SDK1: variants seen among roughly 807,000 people sequenced by gnomAD.
SDK1 encodes the protein sidekick cell adhesion molecule 1, also known as protein sidekick-1.
A neutral mutation model predicts 245.5 loss-of-function variants in SDK1; 157 were observed. That is an observed-to-expected ratio of 0.64 (90% CI 0.56 to 0.73). The LOEUF is 0.73. Among genes scored for constraint, SDK1 ranks in the 30% least tolerant of loss-of-function variants. The pLI is 0.00. For missense variants in SDK1, 3,583 were observed against 3,002.3 expected, an observed-to-expected ratio of 1.19 and a Z score of -4.52; for synonymous variants, 1,647 against 1,278.5, an observed-to-expected ratio of 1.29 and a Z score of -6.15.
At chr7:3,995,097 C>T (rs1418513279) in intron 14 of SDK1, among the ~76,000 whole-genome samples, 4 of 152,208 alleles carry the variant, frequency 2.6e-5, no homozygotes, top group African/African-American at 9.7e-5. Flanking sequence ...GGTAGCAGCA[C>T]TGTTTACTAT....
At chr7:4,259,861 C>A (rs1787866530) in intron 44 of SDK1, among the ~76,000 whole-genome samples, 1 of 152,186 alleles carries the variant, frequency 6.6e-6, no homozygotes, top group Admixed American at 6.5e-5. Flanking sequence ...GTGGGTGAAC[C>A]CGAGGGGTTG....
chr7:4,214,960 G>A (rs1175079904), intron 38 of SDK1, among the ~76,000 whole-genome samples: 3 of 152,180 alleles, frequency 2.0e-5, no homozygotes, highest in Non-Finnish European at 2.9e-5. Flanking sequence ...CTTCTCCCTC[G>A]GGCAGGACTC....
At chr7:3,991,004 G>A (rs920199909) in intron 14 of SDK1, among the ~76,000 whole-genome samples, 8 of 152,266 alleles carry the variant, frequency 5.3e-5, no homozygotes, top group Non-Finnish European at 8.8e-5. Flanking sequence ...TCTGCTGGGT[G>A]CTGGGTGCAG....
intron 1 of SDK1, among the ~76,000 whole-genome samples, chr7:3,371,762 T>G (rs1338646662): frequency 1.3e-5 from 2 of 151,620 alleles, no homozygotes; most frequent in African/African-American, 4.9e-5. Flanking sequence ...CCAAGAGGAG[T>G]TCCTGAACAG....
intron 44 of SDK1, among the ~76,000 whole-genome samples, chr7:4,261,245 C>G (rs1167195285): frequency 6.6e-6 from 1 of 152,068 alleles, no homozygotes; most frequent in Non-Finnish European, 1.5e-5. Flanking sequence ...TGCCCGGGTG[C>G]TGATGTGGGT....
At chr7:4,168,249 G>T (rs911161637) in intron 32 of SDK1, among the ~76,000 whole-genome samples, 2 of 152,204 alleles carry the variant, frequency 1.3e-5, no homozygotes, top group Non-Finnish European at 2.9e-5. Context: ...GAAGACTCCT[G>T]CCAGGAGCGG....
chr7:3,469,922 C>T (rs895104507), intron 1 of SDK1, among the ~76,000 whole-genome samples: 2 of 152,136 alleles, frequency 1.3e-5, no homozygotes, highest in African/African-American at 4.8e-5. Flanking sequence ...ATGGTTTCAT[C>T]CTAAGTTATA....
At chr7:3,651,058 C>G (rs1407003143) in intron 4 of SDK1, among the ~76,000 whole-genome samples, 1 of 150,784 alleles carries the variant, frequency 6.6e-6, no homozygotes, top group East Asian at 2.0e-4. Context: ...CATAAGACTT[C>G]ATTGTGTTCA....
At chr7:3,386,458 C>T (rs1228769831) in intron 1 of SDK1, among the ~76,000 whole-genome samples, 1 of 152,180 alleles carries the variant, frequency 6.6e-6, no homozygotes, top group African/African-American at 2.4e-5. Flanking sequence ...TCAAAACACA[C>T]TCATATTTTG....
At chr7:4,014,994 G>A (rs759165938) in intron 16 of SDK1, among the ~76,000 whole-genome samples, 22 of 152,048 alleles carry the variant, frequency 1.4e-4, no homozygotes, top group Non-Finnish European at 2.9e-4. Context: ...AAGTTGGGTG[G>A]CTCATGCAGG....
intron 1 of SDK1, among the ~76,000 whole-genome samples, chr7:3,418,145 G>GAAAAAAAAAAATAA (rs1779429712): frequency 8.4e-6 from 1 of 119,726 alleles, no homozygotes; most frequent in African/African-American, 3.9e-5. Context: ...TACTAAAAAT[G>GAAAAAAAAAAATAA]AAAAAAAAAA....
At chr7:3,659,525 A>G (rs1236467021) in intron 4 of SDK1, among the ~76,000 whole-genome samples, 1 of 152,186 alleles carries the variant, frequency 6.6e-6, no homozygotes, top group Non-Finnish European at 1.5e-5. Flanking sequence ...GTGTGTTCCA[A>G]GGCCGAAAGG....
chr7:3,403,840 T>TAC (rs1420932656), intron 1 of SDK1, among the ~76,000 whole-genome samples: 1 of 64,406 alleles, frequency 1.6e-5, no homozygotes, highest in African/African-American at 1.5e-4. Flanking sequence ...TATATATATA[T>TAC]ATATATATAT....
chr7:4,148,452 C>G (rs1007997302), intron 29 of SDK1, among the ~76,000 whole-genome samples: 20 of 152,264 alleles, frequency 1.3e-4, no homozygotes, highest in African/African-American at 4.6e-4. Context: ...CGCATCCAAG[C>G]TACTGCACAC....
At chr7:3,944,159 T>G (rs969489850) in intron 5 of SDK1, among the ~76,000 whole-genome samples, 4 of 152,254 alleles carry the variant, frequency 2.6e-5, no homozygotes, top group African/African-American at 9.6e-5. Context: ...AAAGAAAGAT[T>G]ATCAACTTTG....
chr7:4,067,704 C>T, intron 19 of SDK1, 134 bp from the exon 20 acceptor site: 1 of 607,870 alleles, frequency 1.6e-6, no homozygotes, highest in Non-Finnish European at 2.9e-6. Context: ...TTCTGCATTC[C>T]ACTGATGTCT....
At position 3,642,048 on chromosome 7, in the gene SDK1, C is replaced by G; in HGVS notation, c.656C>G (p.Pro219Arg). The G allele has an allele frequency of 6.2e-7, 1 of 1,614,100 alleles. No homozygotes were observed. Reference sequence around the variant, plus strand: ...AACCTGCTGCCCATCACCAGCTACCCCAGACCTCAAGTGACTTGGTTTAGA... The same window carrying G: ...AACCTGCTGCCCATCACCAGCTACCGCAGACCTCAAGTGACTTGGTTTAGA... ...ILNLLPITSY[P>R]RPQVTWFREG... The change falls in exon 4 of 45, where the codon CCC becomes CGC. Residue 219 changes from proline to arginine, a missense_variant. Pro to Arg is a moderately radical substitution (Grantham distance 103). Transcript: ENST00000404826.
In SDK1 at chr7:4,268,004, A is replaced by T; in HGVS notation, c.*2620A>T. On this transcript the variant is annotated 3_prime_UTR_variant, in exon 45 of 45. Transcript: ENST00000404826. ...TAACTCCTTATCTTCAGGGAAGGAA[A>T]AGAAAATCACAGCCTAGGAAGATGG... 1.0e-6 allele frequency: 1 copy of T among 985,496 alleles called. No individual in the cohort carries two copies. The highest frequency in any genetic ancestry group is 1.2e-6 in the Non-Finnish European group (1 of 829,950). 61.0% of individuals were successfully genotyped at this position (985,496 alleles called of 1,614,324 possible). A position where few individuals can be genotyped will look rare whatever the true frequency, so the allele number is the denominator to read the frequency against.
chr7:3,363,159 C>G (rs1336712191), intron 1 of SDK1, among the ~76,000 whole-genome samples: 1 of 152,196 alleles, frequency 6.6e-6, no homozygotes, highest in Non-Finnish European at 1.5e-5. Flanking sequence ...CACTGCTCGG[C>G]AACCATGAAT....
Sources: allele counts gnomAD v4.1 joint callset (sites outside exome capture counted in the v4.1 genomes callset), GRCh38; gene constraint gnomAD v4.1.1; transcripts MANE v1.5; gene names NCBI Gene and HGNC (gene_info 2026-07-23, HGNC 2026-07-21).